Variants in LRRC49 observed in about 807,000 individuals in gnomAD.
The protein encoded by LRRC49 is leucine rich repeat containing 49, also known as leucine-rich repeat-containing protein 49.
LRRC49 carries 50 observed loss-of-function variants against 83.3 expected under a neutral mutation model. That is an observed-to-expected ratio of 0.60 (90% confidence interval 0.48 to 0.76). The LOEUF (loss-of-function observed/expected upper bound fraction) is 0.76. Ranked by LOEUF, LRRC49 falls within the 30% of genes least tolerant of loss-of-function variation. The pLI is 0.00. For synonymous variants in LRRC49, 286 were observed against 283.3 expected (o/e 1.01, Z -0.10); for missense variants, 704 against 809.1 (o/e 0.87, Z 1.58).
At chr15:70,972,969 T>G (rs1446477913) in intron 9 of LRRC49, among the ~76,000 whole-genome samples, 1 of 152,074 alleles carries the variant, frequency 6.6e-6, no homozygotes, top group Non-Finnish European at 1.5e-5. Flanking sequence ...ACTACCCACC[T>G]TCTGAAGCCT....
At chr15:70,912,328 C>T (rs2034583706) in intron 6 of LRRC49, among the ~76,000 whole-genome samples, 1 of 152,014 alleles carries the variant, frequency 6.6e-6, no homozygotes, top group Admixed American at 6.6e-5. Flanking sequence ...TTGTACAAGT[C>T]TCCTGTTCTT....
chr15:70,918,832 T>C (rs1271685250), intron 6 of LRRC49: 1 of 439,842 alleles, frequency 2.3e-6, no homozygotes, highest in Non-Finnish European at 4.0e-6. Context: ...GTGTTTACTA[T>C]GGTCAAATTG....
chr15:70,932,977 A>C (rs1481546930), intron 7 of LRRC49, among the ~76,000 whole-genome samples: 1 of 151,012 alleles, frequency 6.6e-6, no homozygotes, highest in East Asian at 1.9e-4. Flanking sequence ...TGATGCACCC[A>C]CCTCACCTCC....
chr15:71,027,172 T>G (rs1173384124), intron 14 of LRRC49, among the ~76,000 whole-genome samples: 1 of 152,226 alleles, frequency 6.6e-6, no homozygotes, highest in Non-Finnish European at 1.5e-5. Flanking sequence ...GCTAGCCAGT[T>G]TTCCCAGCAC....
chr15:71,012,576 C>T (rs1020189832), intron 13 of LRRC49, among the ~76,000 whole-genome samples: 28 of 152,106 alleles, frequency 1.8e-4, no homozygotes, highest in Non-Finnish European at 4.1e-4. Context: ...AGAGCTGACT[C>T]ATCACCTCCA....
intron 1 of LRRC49, among the ~76,000 whole-genome samples, chr15:70,856,057 T>C (rs1386698180): frequency 6.6e-6 from 1 of 152,224 alleles, no homozygotes; most frequent in African/African-American, 2.4e-5. Context: ...CCCACAATGA[T>C]GGCTCACATT....
At chr15:70,937,505 T>C (rs1465027307) in intron 8 of LRRC49, among the ~76,000 whole-genome samples, 1 of 152,182 alleles carries the variant, frequency 6.6e-6, no homozygotes, top group Non-Finnish European at 1.5e-5. Flanking sequence ...GGCTTTTTAA[T>C]GCCCTCAGTT....
chr15:70,896,339 A>AT (rs1407753948), intron 3 of LRRC49, among the ~76,000 whole-genome samples: 1 of 152,222 alleles, frequency 6.6e-6, no homozygotes, highest in South Asian at 2.1e-4. Flanking sequence ...ATAATTATAG[A>AT]TTTTATATTA....
At chr15:71,004,569 G>A (rs566191352) in intron 11 of LRRC49, among the ~76,000 whole-genome samples, 11 of 151,764 alleles carry the variant, frequency 7.2e-5, no homozygotes, top group Non-Finnish European at 1.2e-4. Flanking sequence ...AGAATCTCTT[G>A]AATCCGGGAG....
chr15:70,909,886 C>T (rs2034481939), intron 5 of LRRC49, among the ~76,000 whole-genome samples: 1 of 108,258 alleles, frequency 9.2e-6, no homozygotes, highest in East Asian at 2.8e-4. Flanking sequence ...ACAAAACAAA[C>T]AAAAAAAGAA....
chr15:71,047,459 G>A (rs2039886078), intron 15 of LRRC49, among the ~76,000 whole-genome samples: 1 of 152,158 alleles, frequency 6.6e-6, no homozygotes, highest in South Asian at 2.1e-4. Context: ...AAGTGGGATT[G>A]TGTTCTTGAT....
intron 11 of LRRC49, among the ~76,000 whole-genome samples, chr15:70,994,218 G>A (rs941063051): frequency 6.6e-6 from 1 of 152,090 alleles, no homozygotes; most frequent in Non-Finnish European, 1.5e-5. Flanking sequence ...TAGTCAATTT[G>A]CTAATAACCT....
rs1168282732 is a variant in LRRC49, at chr15:70,902,214, C to T, written c.296+1190C>T. On this transcript the variant is annotated intron_variant, in intron 4 of 15. Transcript: ENST00000260382. ...AACTTTTCTCTTGATCTTTGAAAGA[C>T]TGGCCAAGAATAGTACCTCAGCCCT... 2.0e-5 allele frequency among the ~76,000 whole-genome samples: 3 copies of T among 152,136 alleles called. No homozygotes were observed. The East Asian group carries it at 5.8e-4, about 29-fold the overall frequency.
At chr15:71,007,050 G>A (rs1001051011) in intron 11 of LRRC49, among the ~76,000 whole-genome samples, 3 of 151,942 alleles carry the variant, frequency 2.0e-5, no homozygotes, top group African/African-American at 4.8e-5. Context: ...TTAAGTGCTA[G>A]TCTGGTAGAA....
chr15:71,043,737 G>C (rs2039765029), intron 15 of LRRC49, among the ~76,000 whole-genome samples: 1 of 152,134 alleles, frequency 6.6e-6, no homozygotes, highest in African/African-American at 2.4e-5. Context: ...CATGTCCCTA[G>C]AGAAACAGTG....
chr15:70,877,882 C>T (rs903806746), intron 2 of LRRC49, among the ~76,000 whole-genome samples: 6 of 152,184 alleles, frequency 3.9e-5, no homozygotes, highest in African/African-American at 1.4e-4. Context: ...GTAATCCCAG[C>T]ACTTTGGGAG....
At chr15:70,951,073 G>A (rs2036199677) in intron 8 of LRRC49, among the ~76,000 whole-genome samples, 1 of 152,070 alleles carries the variant, frequency 6.6e-6, no homozygotes, top group African/African-American at 2.4e-5. Flanking sequence ...AGTTGTAGGT[G>A]TGTGGCTTTA....
chr15:70,935,440 A>T (rs1317277096), intron 7 of LRRC49, among the ~76,000 whole-genome samples: 1 of 152,148 alleles, frequency 6.6e-6, no homozygotes, highest in Non-Finnish European at 1.5e-5. Context: ...ATTTTCTTTG[A>T]ATAACAAACT....
At chr15:70,884,883 T>C (rs189137077) in intron 2 of LRRC49, among the ~76,000 whole-genome samples, 46 of 152,268 alleles carry the variant, frequency 3.0e-4, no homozygotes, top group Admixed American at 2.7e-3. Context: ...TCACAATCCA[T>C]AGCTAAAACT....
Sources: allele counts gnomAD v4.1 joint callset (sites outside exome capture counted in the v4.1 genomes callset), GRCh38; gene constraint gnomAD v4.1.1; transcripts MANE v1.5; gene names NCBI Gene and HGNC (gene_info 2026-07-23, HGNC 2026-07-21).